CENPW: variants seen among roughly 807,000 people sequenced by gnomAD.
CENPW encodes the protein cancer-up-regulated gene 2 protein.
In CENPW, 3 loss-of-function variants were observed where a neutral mutation model predicts 11.1. The ratio of observed to expected loss-of-function variants is 0.27; its 90% confidence interval spans 0.12 to 0.70. The LOEUF is 0.70. Ranked by LOEUF, CENPW falls within the 30% of genes least tolerant of loss-of-function variation. CENPW has a pLI of 0.77. For synonymous variants in CENPW, 38 were observed against 42.0 expected (o/e 0.91, Z 0.37); for missense variants, 100 against 105.6 (o/e 0.95, Z 0.23).
At chr6:126,441,762 C>T in the CENPW span, among the ~76,000 whole-genome samples, 1 of 151,586 alleles carries the variant, frequency 6.6e-6, no homozygotes, top group Non-Finnish European at 1.5e-5. Context: ...ATTCCATCCA[C>T]GTTTCTGTGA....
At chr6:126,417,053 T>A in the CENPW span, among the ~76,000 whole-genome samples, 1 of 152,204 alleles carries the variant, frequency 6.6e-6, no homozygotes, top group African/African-American at 2.4e-5. Flanking sequence ...AAGGAGGATG[T>A]ACTCTTCAAA....
chr6:126,378,293 T>G, the CENPW span, among the ~76,000 whole-genome samples: 1 of 152,054 alleles, frequency 6.6e-6, no homozygotes, highest in Non-Finnish European at 1.5e-5. Context: ...TTAGTGCTTT[T>G]CTGCTGAAGA....
At chr6:126,390,775 A>G in the CENPW span, among the ~76,000 whole-genome samples, 2 of 151,830 alleles carry the variant, frequency 1.3e-5, no homozygotes, top group African/African-American at 4.8e-5. Flanking sequence ...CCTCCAGTGC[A>G]ATTTATGTTG....
the CENPW span, among the ~76,000 whole-genome samples, chr6:126,393,316 T>C: frequency 1.3e-5 from 2 of 151,942 alleles, no homozygotes; most frequent in Non-Finnish European, 2.9e-5. Context: ...TTTATTTTCT[T>C]CTACTAATTT....
the CENPW span, among the ~76,000 whole-genome samples, chr6:126,439,396 G>T: frequency 1.3e-5 from 2 of 151,586 alleles, no homozygotes; most frequent in Non-Finnish European, 3.0e-5. Context: ...GAAAGAGGTT[G>T]GTTATTGCCT....
chr6:126,348,646 T>C lies in CENPW; in HGVS notation c.*154T>C. On this transcript the variant is annotated 3_prime_UTR_variant, in exon 3 of 3. Transcript: ENST00000368328. ...TATTTTTTTTCTGGCATGAAATATC[T>C]CAAGTAAATGCATAGGACTATTTAA... The C allele has an allele frequency of 1.9e-6, 1 of 540,306 alleles. No individual in the cohort carries two copies. Among genetic ancestry groups the C allele is most frequent in the Non-Finnish European group, 3.3e-6 (1 of 302,150 alleles). The allele number at this position is 540,306 out of a possible 1,614,324, so 33.5% of individuals were successfully genotyped here.
At chr6:126,482,167 G>T in the CENPW span, among the ~76,000 whole-genome samples, 1 of 151,876 alleles carries the variant, frequency 6.6e-6, no homozygotes, top group South Asian at 2.1e-4. Context: ...AATTTTACTG[G>T]ATATCATCAT....
the CENPW span, among the ~76,000 whole-genome samples, chr6:126,428,264 C>T: frequency 6.6e-6 from 1 of 152,152 alleles, no homozygotes; most frequent in Non-Finnish European, 1.5e-5. Flanking sequence ...CAGTAAACTA[C>T]AGGACTTCTT....
the CENPW span, among the ~76,000 whole-genome samples, chr6:126,380,894 C>G: frequency 6.6e-5 from 10 of 152,306 alleles, no homozygotes; most frequent in African/African-American, 2.4e-4. Context: ...CTCTGTTGAT[C>G]GAACTTTAGC....
the CENPW span, among the ~76,000 whole-genome samples, chr6:126,451,113 A>G: frequency 6.6e-6 from 1 of 150,976 alleles, no homozygotes; most frequent in African/African-American, 2.4e-5. Flanking sequence ...CCAACTTTGA[A>G]TGGGATTAAT....
chr6:126,400,967 T>G, the CENPW span, among the ~76,000 whole-genome samples: 1 of 152,138 alleles, frequency 6.6e-6, no homozygotes, highest in Non-Finnish European at 1.5e-5. Flanking sequence ...TCTAAAATCT[T>G]TAGCATATTA....
chr6:126,478,751 C>T, the CENPW span, among the ~76,000 whole-genome samples: 1 of 152,018 alleles, frequency 6.6e-6, no homozygotes. Flanking sequence ...AACACTGGAA[C>T]TGCTAAAAAT....
chr6:126,366,742 G>A, the CENPW span, among the ~76,000 whole-genome samples: 100 of 152,244 alleles, frequency 6.6e-4, 2 homozygotes, highest in African/African-American at 2.2e-3. Context: ...AGTCTCTTTT[G>A]TGTGGCTATT....
chr6:126,343,857 C>G (rs1780357837), intron 1 of CENPW, among the ~76,000 whole-genome samples: 1 of 152,176 alleles, frequency 6.6e-6, no homozygotes, highest in African/African-American at 2.4e-5. Context: ...CCTTTGGCAG[C>G]ACCACCTACA....
chr6:126,402,830 G>A, the CENPW span, among the ~76,000 whole-genome samples: 2 of 151,960 alleles, frequency 1.3e-5, no homozygotes, highest in Admixed American at 6.6e-5. Flanking sequence ...CATGTACAAA[G>A]CAGGCTCACA....
the CENPW span, among the ~76,000 whole-genome samples, chr6:126,389,866 A>G: frequency 6.6e-6 from 1 of 151,906 alleles, no homozygotes; most frequent in Non-Finnish European, 1.5e-5. Flanking sequence ...ACTTTCAAAT[A>G]AAAGTTTGAC....
At chr6:126,340,485 GC>G in intron 1 of CENPW, 86 bp downstream of exon 1, 1 of 1,601,000 alleles carries the variant, frequency 6.2e-7, no homozygotes, top group Non-Finnish European at 8.5e-7. Context: ...TCCGCCCCGA[GC>G]CAATTTATAG....
chr6:126,361,983 C>T, the CENPW span, among the ~76,000 whole-genome samples: 2 of 152,142 alleles, frequency 1.3e-5, no homozygotes, highest in Admixed American at 1.3e-4. Flanking sequence ...CTGGGGGATA[C>T]AAAGTGCTCT....
chr6:126,476,474 A>AATT, the CENPW span, among the ~76,000 whole-genome samples: 3 of 151,934 alleles, frequency 2.0e-5, no homozygotes, highest in African/African-American at 7.2e-5. Context: ...TGAAGATAAT[A>AATT]CTTTATTACT....
Sources: gnomAD v4.1 joint callset for allele counts (sites outside exome capture counted in the v4.1 genomes callset) on GRCh38, gnomAD v4.1.1 for gene constraint, MANE v1.5 for transcripts, NCBI Gene and HGNC (gene_info 2026-07-23, HGNC 2026-07-21) for gene names.